Variants in CRACDL observed in about 807,000 individuals in gnomAD.
CRACDL encodes CRACD-like protein.
CRACDL carries 26 observed loss-of-function variants against 70.6 expected under a neutral mutation model. The observed-to-expected ratio is 0.37, with a 90% CI of 0.27 to 0.51. CRACDL has a LOEUF of 0.51. CRACDL is among the 20% of genes least tolerant of loss of function. The probability of loss-of-function intolerance (pLI) is 0.94; values close to 1 mark genes in which losing one functional copy is unlikely to be tolerated. For synonymous variants in CRACDL, 618 were observed against 615.2 expected (o/e 1.00, Z -0.07); for missense variants, 1,283 against 1,376.9 (o/e 0.93, Z 1.08).
chr2:98,869,179 G>T, intron 1 of CRACDL: 1 of 1,304,302 alleles, frequency 7.7e-7, no homozygotes, highest in Non-Finnish European at 1.0e-6. Context: ...GCAGGGAGAA[G>T]AGTGGGCCTC....
At chr2:98,815,239 G>A (rs1704733435) in intron 7 of CRACDL, among the ~76,000 whole-genome samples, 1 of 152,116 alleles carries the variant, frequency 6.6e-6, no homozygotes, top group Non-Finnish European at 1.5e-5. Context: ...TTTGTATGTT[G>A]GATAATTTTG....
intron 7 of CRACDL, among the ~76,000 whole-genome samples, chr2:98,800,629 G>C (rs1325506787): frequency 6.6e-6 from 1 of 152,084 alleles, no homozygotes; most frequent in Non-Finnish European, 1.5e-5. Flanking sequence ...AGTCTGTTCT[G>C]GTCAGTCTCT....
At chr2:98,885,081 G>A (rs971802068) in intron 1 of CRACDL, among the ~76,000 whole-genome samples, 2 of 152,104 alleles carry the variant, frequency 1.3e-5, no homozygotes, top group Non-Finnish European at 2.9e-5. Context: ...AGTGTGGAAG[G>A]GTGTGTATCT....
chr2:98,812,173 C>A (rs1704594580), intron 7 of CRACDL, among the ~76,000 whole-genome samples: 1 of 152,178 alleles, frequency 6.6e-6, no homozygotes, highest in Non-Finnish European at 1.5e-5. Flanking sequence ...TGGGGTTTCA[C>A]CATGTTGGCC....
chr2:98,919,868 T>C (rs1385098798), intron 1 of CRACDL, among the ~76,000 whole-genome samples: 1 of 152,174 alleles, frequency 6.6e-6, no homozygotes, highest in Non-Finnish European at 1.5e-5. Flanking sequence ...TCTTCCCACA[T>C]CAGCCTTCTG....
chr2:98,929,939 C>T (rs147401815), intron 1 of CRACDL, among the ~76,000 whole-genome samples: 5 of 152,084 alleles, frequency 3.3e-5, no homozygotes, highest in African/African-American at 1.2e-4. Context: ...ACGATACATT[C>T]GACATGGAAA....
chr2:98,904,743 T>C (rs371825801), intron 1 of CRACDL, among the ~76,000 whole-genome samples: 37 of 152,380 alleles, frequency 2.4e-4, no homozygotes, highest in African/African-American at 8.9e-4. Flanking sequence ...AATATTGGTT[T>C]GTAATTTCTT....
Position 98,794,313 on chromosome 2 carries a change from T to C in CRACDL, c.*219A>G. On this transcript the variant is annotated 3_prime_UTR_variant, in exon 10 of 10. Transcript: ENST00000397899. ...GCACAGGAACTGGTTCCTGGACTTT[T>C]TCAATGTTGTTCTTGTTTCTGGGCC... The C allele has an allele frequency of 2.2e-6, 1 of 445,692 alleles. No homozygotes were observed. The highest frequency in any genetic ancestry group is 5.2e-5 in the South Asian group (1 of 19,138). 27.6% of individuals were successfully genotyped at this position (445,692 alleles called of 1,614,324 possible).
At chr2:98,870,019 C>T (rs531107873) in intron 1 of CRACDL, among the ~76,000 whole-genome samples, 2 of 152,266 alleles carry the variant, frequency 1.3e-5, no homozygotes, top group South Asian at 4.1e-4. Context: ...CCCCAGCCAC[C>T]CCACGTGACA....
chr2:98,880,271 G>A (rs1707608634), intron 1 of CRACDL, among the ~76,000 whole-genome samples: 1 of 152,164 alleles, frequency 6.6e-6, no homozygotes, highest in Non-Finnish European at 1.5e-5. Context: ...GATCAGACAA[G>A]ATCCTGTGAA....
intron 6 of CRACDL, 86 bp downstream of exon 6, chr2:98,826,889 G>A: frequency 1.0e-6 from 1 of 958,846 alleles, no homozygotes; most frequent in Non-Finnish European, 1.6e-6. Flanking sequence ...GACCCTGTGT[G>A]GGGGAGTGAG....
Position 98,922,446 on chromosome 2 carries a change from A to G in CRACDL, c.-11+13492T>C, listed in dbSNP as rs1355072161. Among the ~76,000 whole-genome samples, 3 of 151,918 alleles carry G rather than the reference A, an allele frequency of 2.0e-5. No homozygotes were observed. In the East Asian group the frequency reaches 5.8e-4, roughly 29 times the overall value. The stretch of plus-strand genomic sequence containing the variant: ...AGAGCAAGACTCCGTCTCAAAAAAA[A>G]AAAAAAAAAGAAAAAGAAAAAAGAA... On this transcript the variant is annotated intron_variant, in intron 1 of 9. Coordinates refer to ENST00000397899, the MANE Select transcript of CRACDL (RefSeq NM_207362.3).
chr2:98,903,346 G>C (rs1354499914), intron 1 of CRACDL, among the ~76,000 whole-genome samples: 4 of 152,072 alleles, frequency 2.6e-5, no homozygotes, highest in Non-Finnish European at 5.9e-5. Flanking sequence ...CATGATCGGG[G>C]GGCTGAGGGA....
intron 1 of CRACDL, among the ~76,000 whole-genome samples, chr2:98,907,568 A>C (rs1453829980): frequency 6.6e-6 from 1 of 152,044 alleles, no homozygotes; most frequent in Admixed American, 6.6e-5. Flanking sequence ...CTGCACTCTG[A>C]TCTCGGTTTC....
Position 98,823,340 on chromosome 2 carries a change from G to T in CRACDL, c.933C>A (p.Arg311=), listed in dbSNP as rs1335476865. The T allele has an allele frequency of 2.0e-6, 3 of 1,499,648 alleles. No homozygotes were observed. The highest frequency in any genetic ancestry group is 4.6e-5 in the Admixed American group (2 of 43,578). 92.9% of individuals were successfully genotyped at this position (1,499,648 alleles called of 1,614,324 possible). A position where few individuals can be genotyped will look rare whatever the true frequency, so the allele number is the denominator to read the frequency against. Residue 311 remains arginine, a synonymous_variant, in exon 7 of 10, where the codon CGC becomes CGA. Transcript: ENST00000397899. The surrounding 1 kb of genome is among the most constrained non-coding windows in gnomAD (Gnocchi z 4.0). ...PPGGARARRA[R]LQHSSALTAS... is the part of the protein sequence containing the mutation. ...CCGTGAGCGCGGAGGAGTGCTGCAG[G>T]CGGGCGCGTCTGGCACGGGCCCCTC... is the stretch of plus-strand genomic sequence containing the variant.
chr2:98,827,537 G>A (rs1435965262), intron 5 of CRACDL, among the ~76,000 whole-genome samples: 9 of 152,166 alleles, frequency 5.9e-5, no homozygotes, highest in African/African-American at 2.2e-4. Flanking sequence ...TGATCCGCCC[G>A]CCTTGGCCTC....
intron 1 of CRACDL, among the ~76,000 whole-genome samples, chr2:98,908,901 T>C (rs1370190052): frequency 6.6e-6 from 1 of 152,234 alleles, no homozygotes; most frequent in Non-Finnish European, 1.5e-5. Context: ...AGAGTCCCTA[T>C]ATTTATTTGT....
chr2:98,927,412 T>C (rs1232631465), intron 1 of CRACDL, among the ~76,000 whole-genome samples: 1 of 152,118 alleles, frequency 6.6e-6, no homozygotes, highest in African/African-American at 2.4e-5. Flanking sequence ...TAAATCCTCT[T>C]CTGCCTCAGC....
At chr2:98,845,582 G>A (rs1179614672) in intron 2 of CRACDL, among the ~76,000 whole-genome samples, 2 of 152,074 alleles carry the variant, frequency 1.3e-5, no homozygotes, top group African/African-American at 4.8e-5. Flanking sequence ...AATTTTAAGT[G>A]GAAGAGGGTT....
Sources: allele counts gnomAD v4.1 joint callset (sites outside exome capture counted in the v4.1 genomes callset), GRCh38; gene constraint gnomAD v4.1.1; non-coding constraint Gnocchi (gnomAD v3.1); transcripts MANE v1.5; gene names NCBI Gene and HGNC (gene_info 2026-07-23, HGNC 2026-07-21).